TRPC4: variants seen among roughly 807,000 people sequenced by gnomAD.
TRPC4 encodes short transient receptor potential channel 4.
In TRPC4, 49 loss-of-function variants were observed where a neutral mutation model predicts 99.4. That is an observed-to-expected ratio of 0.49 (90% CI 0.39 to 0.63). The LOEUF is 0.63. Among genes scored for constraint, TRPC4 ranks in the 20% least tolerant of loss-of-function variants. The pLI, the probability that TRPC4 is intolerant of heterozygous loss-of-function variation, is 0.00. For synonymous variants in TRPC4, 454 were observed against 425.9 expected (o/e 1.07, Z -0.81); for missense variants, 898 against 1,152.9 (o/e 0.78, Z 3.20).
At chr13:37,830,964 T>C (rs560907511) in intron 1 of TRPC4, among the ~76,000 whole-genome samples, 2 of 150,214 alleles carry the variant, frequency 1.3e-5, no homozygotes, top group South Asian at 4.1e-4. Context: ...AATTTAAAAA[T>C]GAAATCATAG....
chr13:37,716,743 A>G (rs932178425), intron 3 of TRPC4, among the ~76,000 whole-genome samples: 10 of 152,096 alleles, frequency 6.6e-5, no homozygotes, highest in Admixed American at 6.6e-4. Flanking sequence ...TCTCTACTCA[A>G]GGGCTATTTT....
intron 4 of TRPC4, among the ~76,000 whole-genome samples, chr13:37,681,841 T>C (rs1953250272): frequency 6.6e-6 from 1 of 152,172 alleles, no homozygotes; most frequent in African/African-American, 2.4e-5. Flanking sequence ...ATTACAAGCA[T>C]TGATGTCAAG....
chr13:37,722,219 A>G (rs1954892477), intron 3 of TRPC4, among the ~76,000 whole-genome samples: 1 of 152,124 alleles, frequency 6.6e-6, no homozygotes, highest in Admixed American at 6.6e-5. Flanking sequence ...GATTCTCTCT[A>G]TTATATTTTA....
chr13:37,759,484 G>T (rs568388955), intron 2 of TRPC4, among the ~76,000 whole-genome samples: 2 of 151,638 alleles, frequency 1.3e-5, no homozygotes, highest in African/African-American at 4.8e-5. Flanking sequence ...ACAATAAAAT[G>T]CATTTGCAAC....
chr13:37,662,607 A>C (rs1028203326), intron 6 of TRPC4, among the ~76,000 whole-genome samples: 1 of 152,246 alleles, frequency 6.6e-6, no homozygotes, highest in Non-Finnish European at 1.5e-5. Flanking sequence ...TGAATAAGGT[A>C]TGACTTTTAA....
At chr13:37,827,449 T>C (rs1333391206) in intron 1 of TRPC4, among the ~76,000 whole-genome samples, 7 of 152,182 alleles carry the variant, frequency 4.6e-5, no homozygotes, top group Admixed American at 6.5e-5. Context: ...GATGGGTTTT[T>C]GGTGTGGGTG....
chr13:37,687,508 G>A (rs947072456), intron 4 of TRPC4, among the ~76,000 whole-genome samples: 4 of 152,000 alleles, frequency 2.6e-5, no homozygotes, highest in Non-Finnish European at 4.4e-5. Context: ...ATCTTACTAC[G>A]TATTATCTTC....
At chr13:37,813,027 T>C (rs541483931) in intron 1 of TRPC4, among the ~76,000 whole-genome samples, 6 of 151,898 alleles carry the variant, frequency 4.0e-5, no homozygotes, top group South Asian at 2.1e-4. Context: ...TAGAATTTTA[T>C]ACCCACCCAA....
chr13:37,741,611 A>C (rs925684204), intron 3 of TRPC4, among the ~76,000 whole-genome samples: 1 of 152,122 alleles, frequency 6.6e-6, no homozygotes, highest in Non-Finnish European at 1.5e-5. Context: ...AAGAAAGGGA[A>C]AGTAGGCTTC....
intron 5 of TRPC4, among the ~76,000 whole-genome samples, chr13:37,670,778 C>A (rs1952812160): frequency 6.6e-6 from 1 of 152,158 alleles, no homozygotes; most frequent in Admixed American, 6.5e-5. Flanking sequence ...CACCTTCTCC[C>A]TGCCCACATT....
intron 1 of TRPC4, among the ~76,000 whole-genome samples, chr13:37,783,906 C>T (rs1956908239): frequency 6.6e-6 from 1 of 151,598 alleles, no homozygotes; most frequent in African/African-American, 2.4e-5. Context: ...CAGGGTTTTG[C>T]CATGTTGCCC....
At chr13:37,784,581 G>A (rs554698877) in intron 1 of TRPC4, among the ~76,000 whole-genome samples, 1 of 152,028 alleles carries the variant, frequency 6.6e-6, no homozygotes, top group Non-Finnish European at 1.5e-5. Context: ...ATTTGGATAT[G>A]TTTGCTCTGC....
At chr13:37,675,513 C>T (rs985053617) in intron 4 of TRPC4, among the ~76,000 whole-genome samples, 6 of 152,122 alleles carry the variant, frequency 3.9e-5, no homozygotes, top group Non-Finnish European at 8.8e-5. Context: ...ACCCTATCCA[C>T]AGCTCAAGAG....
intron 8 of TRPC4, among the ~76,000 whole-genome samples, chr13:37,649,603 A>G (rs533401750): frequency 7.3e-4 from 111 of 151,808 alleles, no homozygotes; most frequent in Non-Finnish European, 9.9e-4. Context: ...GAGTGGTGGC[A>G]GGCGCCTGTA....
chr13:37,823,296 T>C (rs1324486918), intron 1 of TRPC4, among the ~76,000 whole-genome samples: 1 of 151,602 alleles, frequency 6.6e-6, no homozygotes, highest in Non-Finnish European at 1.5e-5. Context: ...TTTGTCATTT[T>C]TGGCTTTTGT....
At chr13:37,688,198 C>G (rs772107634) in intron 4 of TRPC4, among the ~76,000 whole-genome samples, 13 of 152,142 alleles carry the variant, frequency 8.5e-5, no homozygotes, top group Non-Finnish European at 7.3e-5. Flanking sequence ...CTTTGTTGGG[C>G]GGTGAGTTCC....
At chr13:37,800,036 C>T (rs185730804) in intron 1 of TRPC4, among the ~76,000 whole-genome samples, 192 of 152,210 alleles carry the variant, frequency 1.3e-3, no homozygotes, top group African/African-American at 4.3e-3. Flanking sequence ...TATAGGTATT[C>T]AATCAATGGT....
intron 2 of TRPC4, among the ~76,000 whole-genome samples, chr13:37,777,519 T>A (rs1441884287): frequency 1.3e-5 from 2 of 151,766 alleles, no homozygotes; most frequent in African/African-American, 2.4e-5. Flanking sequence ...CCTCTAATAT[T>A]GGGGATTAAA....
chr13:37,725,270 T>C (rs943280430), intron 3 of TRPC4, among the ~76,000 whole-genome samples: 2 of 151,932 alleles, frequency 1.3e-5, no homozygotes, highest in South Asian at 4.2e-4. Context: ...GACCAATATA[T>C]ACATTGTGGA....
Sources: allele counts gnomAD v4.1 joint callset (sites outside exome capture counted in the v4.1 genomes callset), GRCh38; gene constraint gnomAD v4.1.1; transcripts MANE v1.5; gene names NCBI Gene and HGNC (gene_info 2026-07-23, HGNC 2026-07-21).